RANBP2: variants seen among roughly 807,000 people sequenced by gnomAD.
RANBP2 encodes E3 SUMO-protein ligase RanBP2.
RANBP2 carries 57 observed loss-of-function variants against 303.6 expected under a neutral mutation model. The ratio of observed to expected loss-of-function variants is 0.19; its 90% CI spans 0.15 to 0.23. The LOEUF (loss-of-function observed/expected upper bound fraction) is 0.23, where lower values mean the gene tolerates loss of function less well. Ranked by LOEUF, RANBP2 falls within the 10% of genes least tolerant of loss-of-function variation. RANBP2 has a pLI of 1.00. For synonymous variants in RANBP2, 1,167 were observed against 1,301.5 expected (o/e 0.90, Z 2.23); for missense variants, 3,138 against 3,780.8 (o/e 0.83, Z 4.46).
Position 108,719,684 on chromosome 2 carries a change from T to C in RANBP2, c.72+6T>C, listed in dbSNP as rs1694052588. The C allele has an allele frequency of 6.2e-7, 1 of 1,602,392 alleles. No homozygotes were observed. Among genetic ancestry groups the C allele is most frequent in the East Asian group, 2.2e-5 (1 of 44,534 alleles). ...CCACCCCGTCGCCTCGACAGGTGAGTGGGTCTCGAAGAGACCGACGGCCTC... is the reference window on the plus strand; with the variant it reads ...CCACCCCGTCGCCTCGACAGGTGAGCGGGTCTCGAAGAGACCGACGGCCTC... On this transcript the variant is annotated splice_donor_region_variant and intron_variant, in intron 1 of 28. Transcript: ENST00000283195.
chr2:108,773,615 T>G (rs1677663149), intron 23 of RANBP2, among the ~76,000 whole-genome samples: 1 of 151,536 alleles, frequency 6.6e-6, no homozygotes, highest in Non-Finnish European at 1.5e-5. Flanking sequence ...TCTATAGATT[T>G]AACACAACAC....
chr2:109,044,436 T>C, the RANBP2 span, among the ~76,000 whole-genome samples: 288 of 152,104 alleles, frequency 1.9e-3, 1 homozygote, highest in African/African-American at 6.7e-3. Flanking sequence ...GGCAGGAGAA[T>C]GGCGTGAACC....
chr2:108,917,786 G>A, the RANBP2 span, among the ~76,000 whole-genome samples: 3 of 152,078 alleles, frequency 2.0e-5, no homozygotes, highest in Non-Finnish European at 4.4e-5. Flanking sequence ...ACAAGAACAG[G>A]TGAGCAGATC....
At chr2:109,280,912 A>G in the RANBP2 span, among the ~76,000 whole-genome samples, 1 of 152,182 alleles carries the variant, frequency 6.6e-6, no homozygotes, top group Non-Finnish European at 1.5e-5. Context: ...CTCACTGCAA[A>G]TGTGGAAACT....
the RANBP2 span, among the ~76,000 whole-genome samples, chr2:108,839,547 CTTTGA>C: frequency 6.6e-6 from 1 of 152,010 alleles, no homozygotes; most frequent in Non-Finnish European, 1.5e-5. Context: ...TTATTTAGAA[CTTTGA>C]TTTATCAGTG....
At chr2:109,070,920 G>A in the RANBP2 span, among the ~76,000 whole-genome samples, 2,636 of 151,170 alleles carry the variant, frequency 0.017, 77 homozygotes, top group African/African-American at 0.059. Context: ...TCCCTCTCTC[G>A]CCATGTGGGG....
At chr2:109,301,284 G>A in the RANBP2 span, among the ~76,000 whole-genome samples, 2 of 151,604 alleles carry the variant, frequency 1.3e-5, no homozygotes, top group Non-Finnish European at 2.9e-5. Flanking sequence ...GCTGTGTGTG[G>A]TGTGTGTCTG....
chr2:108,996,111 A>G, the RANBP2 span, among the ~76,000 whole-genome samples: 8 of 152,234 alleles, frequency 5.3e-5, no homozygotes, highest in Admixed American at 2.6e-4. Flanking sequence ...ATGATTCCCC[A>G]AGGAAATGAA....
At chr2:109,591,219 C>T in the RANBP2 span, among the ~76,000 whole-genome samples, 2 of 152,120 alleles carry the variant, frequency 1.3e-5, 1 homozygote, top group South Asian at 4.1e-4. Context: ...AACTTCATAA[C>T]TTGTTAAAGT....
the RANBP2 span, among the ~76,000 whole-genome samples, chr2:109,474,489 G>A: frequency 6.6e-6 from 1 of 152,314 alleles, no homozygotes; most frequent in African/African-American, 2.4e-5. Context: ...ATGATCCCTG[G>A]GGACAGGCGG....
At chr2:108,804,868 G>GTT in the RANBP2 span, 73 of 1,358,524 alleles carry the variant, frequency 5.4e-5, no homozygotes, top group South Asian at 2.9e-4. Flanking sequence ...TTAGATGAGA[G>GTT]TTTTTTTTTT....
the RANBP2 span, among the ~76,000 whole-genome samples, chr2:109,515,885 G>A: frequency 6.6e-6 from 1 of 152,100 alleles, no homozygotes; most frequent in African/African-American, 2.4e-5. Context: ...AACGCACCAA[G>A]CCATTCCTGA....
At chr2:108,925,366 CTG>C in the RANBP2 span, among the ~76,000 whole-genome samples, 12 of 152,368 alleles carry the variant, frequency 7.9e-5, no homozygotes, top group Admixed American at 3.3e-4. Flanking sequence ...GGCTTGGTCT[CTG>C]TCATGGGTAA....
the RANBP2 span, among the ~76,000 whole-genome samples, chr2:109,584,562 T>C: frequency 1.3e-5 from 2 of 152,008 alleles, no homozygotes; most frequent in African/African-American, 4.8e-5. Context: ...TTTTCCCCCT[T>C]TCATAGTTTA....
the RANBP2 span, among the ~76,000 whole-genome samples, chr2:109,658,592 G>C: frequency 6.6e-6 from 1 of 152,144 alleles, no homozygotes; most frequent in South Asian, 2.1e-4. Flanking sequence ...ATTGGCAAAT[G>C]ACATCAGTGA....
chr2:108,760,114 G>C (rs1451022140), intron 18 of RANBP2, among the ~76,000 whole-genome samples: 1 of 152,090 alleles, frequency 6.6e-6, no homozygotes, highest in Non-Finnish European at 1.5e-5. Flanking sequence ...CATATATCAA[G>C]ATGGTCCTTG....
the RANBP2 span, among the ~76,000 whole-genome samples, chr2:109,017,492 C>G: frequency 2.5e-3 from 380 of 152,308 alleles, 1 homozygote; most frequent in African/African-American, 8.9e-3. Flanking sequence ...GCTGGCCTGG[C>G]CTCATCCACT....
At chr2:109,553,177 A>G in the RANBP2 span, 1 of 1,614,134 alleles carries the variant, frequency 6.2e-7, no homozygotes, top group Admixed American at 1.7e-5. Context: ...TCTGACGTTC[A>G]CCATGGAACT....
chr2:109,663,492 T>C, the RANBP2 span, among the ~76,000 whole-genome samples: 1 of 152,226 alleles, frequency 6.6e-6, no homozygotes, highest in East Asian at 1.9e-4. Context: ...GGCTTCTTTC[T>C]AGTGTATACC....
Sources: allele counts gnomAD v4.1 joint callset (sites outside exome capture counted in the v4.1 genomes callset), GRCh38; gene constraint gnomAD v4.1.1; transcripts MANE v1.5; gene names NCBI Gene and HGNC (gene_info 2026-07-23, HGNC 2026-07-21).